Variants in FNIP1 observed in about 807,000 individuals in gnomAD.
The protein encoded by FNIP1 is folliculin-interacting protein 1.
FNIP1 carries 40 observed loss-of-function variants against 124.5 expected under a neutral mutation model. The observed-to-expected ratio is 0.32, with a 90% confidence interval of 0.25 to 0.42. FNIP1 has a LOEUF of 0.42. Ranked by LOEUF, FNIP1 falls within the 10% of genes least tolerant of loss-of-function variation. FNIP1 has a pLI of 1.00. For missense variants in FNIP1, 1,176 were observed against 1,403.7 expected, an observed-to-expected ratio of 0.84 and a Z score of 2.59; for synonymous variants, 472 against 470.6, an observed-to-expected ratio of 1.00 and a Z score of -0.04.
intron 1 of FNIP1, among the ~76,000 whole-genome samples, chr5:131,779,101 C>G (rs1771909671): frequency 7.3e-6 from 1 of 136,828 alleles, no homozygotes; most frequent in Admixed American, 7.4e-5. Flanking sequence ...ACATATGTAA[C>G]TAACCTGCAC....
intron 16 of FNIP1, among the ~76,000 whole-genome samples, chr5:131,649,804 G>A (rs1402686679): frequency 6.6e-6 from 1 of 152,138 alleles, no homozygotes; most frequent in Non-Finnish European, 1.5e-5. Context: ...TCCATTTGGA[G>A]TTCATTTCTG....
At chr5:131,713,892 T>G (rs32113) in intron 6 of FNIP1, among the ~76,000 whole-genome samples, 112,665 of 152,118 alleles carry the variant, frequency 0.74, 42,013 homozygotes, top group Middle Eastern at 0.81. Flanking sequence ...CCTTCTAATA[T>G]GGGCCTTTTC....
At chr5:131,754,879 G>A (rs116175187) in intron 1 of FNIP1, among the ~76,000 whole-genome samples, 1 of 152,226 alleles carries the variant, frequency 6.6e-6, no homozygotes, top group East Asian at 1.9e-4. Context: ...CTAAGGAATA[G>A]CACTGAAAAT....
intron 1 of FNIP1, among the ~76,000 whole-genome samples, chr5:131,759,123 T>C (rs1417624146): frequency 6.6e-6 from 1 of 152,126 alleles, no homozygotes; most frequent in African/African-American, 2.4e-5. Context: ...AAGATTTAAA[T>C]GTAAGATCTC....
At chr5:131,696,443 TA>T (rs954237821) in intron 11 of FNIP1, among the ~76,000 whole-genome samples, 4 of 151,736 alleles carry the variant, frequency 2.6e-5, no homozygotes, top group African/African-American at 7.3e-5. Flanking sequence ...GCCAGTAAAC[TA>T]AAAAAAACCC....
chr5:131,716,548 T>A lies in FNIP1; in HGVS notation c.622+17A>T. The A allele has an allele frequency of 6.5e-7, 1 of 1,534,408 alleles. No homozygotes were observed. Among genetic ancestry groups the A allele is most frequent in the Non-Finnish European group, 8.9e-7 (1 of 1,123,426 alleles). ...GCTAGTATTTTTTAAACTTATAAAA[T>A]CAAAGGAACCATTTACCTATATTTC... On this transcript the variant is annotated intron_variant, in intron 6 of 17. Transcript: ENST00000510461.
At chr5:131,733,001 T>C (rs1200291395) in intron 2 of FNIP1, among the ~76,000 whole-genome samples, 1 of 152,180 alleles carries the variant, frequency 6.6e-6, no homozygotes, top group East Asian at 1.9e-4. Flanking sequence ...CTCTTTTATT[T>C]CGTTGAGCAG....
At chr5:131,738,707 C>T (rs1770403204) in intron 2 of FNIP1, among the ~76,000 whole-genome samples, 1 of 151,568 alleles carries the variant, frequency 6.6e-6, no homozygotes. Flanking sequence ...GGTTTCACCA[C>T]GTTGGCCAGG....
At chr5:131,686,177 C>A (rs1334312302) in intron 11 of FNIP1, among the ~76,000 whole-genome samples, 1 of 152,174 alleles carries the variant, frequency 6.6e-6, no homozygotes, top group African/African-American at 2.4e-5. Flanking sequence ...TATAATCACT[C>A]TGAAGAATCA....
chr5:131,787,917 T>C (rs1772270863), intron 1 of FNIP1, among the ~76,000 whole-genome samples: 1 of 152,008 alleles, frequency 6.6e-6, no homozygotes, highest in South Asian at 2.1e-4. Flanking sequence ...GAGGCTGCAG[T>C]GAGCTAGGAT....
chr5:131,670,689 A>C, intron 14 of FNIP1, 58 bp from the exon 15 acceptor site: 1 of 332,862 alleles, frequency 3.0e-6, no homozygotes, highest in East Asian at 1.2e-4. Flanking sequence ...TTTAACCAGT[A>C]AAAAAAAAAA....
chr5:131,668,234 A>T (rs191878588), intron 15 of FNIP1, among the ~76,000 whole-genome samples: 49 of 152,390 alleles, frequency 3.2e-4, no homozygotes, highest in Admixed American at 4.6e-4. Context: ...CCATAATGGA[A>T]TTAAATTAGA....
rs150724248 is a variant in FNIP1, at chr5:131,788,129, C to G, written c.92+8701G>C. Among the ~76,000 whole-genome samples the G allele has an allele frequency of 4.1e-4, 62 of 152,214 alleles. No individual in the cohort carries two copies. The East Asian group carries it at 0.012, about 29-fold the overall frequency. ...AAAAAGAACTGAAGCTACTAAGAAT[C>G]TGAATCAACAGGACTTAACAAATGA... On this transcript the variant is annotated intron_variant, in intron 1 of 17. Coordinates refer to ENST00000510461, the MANE Select transcript of FNIP1 (RefSeq NM_133372.3).
At chr5:131,675,847 T>C (rs1317470740) in intron 13 of FNIP1, among the ~76,000 whole-genome samples, 1 of 152,140 alleles carries the variant, frequency 6.6e-6, no homozygotes, top group Non-Finnish European at 1.5e-5. Context: ...GAGGCATATA[T>C]GCGAAACTTA....
chr5:131,700,814 T>C (rs1170322196), intron 10 of FNIP1, among the ~76,000 whole-genome samples: 1 of 152,190 alleles, frequency 6.6e-6, no homozygotes, highest in Non-Finnish European at 1.5e-5. Flanking sequence ...TATTATATTC[T>C]ATTCTTAATA....
intron 17 of FNIP1, among the ~76,000 whole-genome samples, chr5:131,646,242 T>C (rs192118015): frequency 1.7e-3 from 261 of 152,300 alleles, no homozygotes; most frequent in Admixed American, 3.5e-3. Flanking sequence ...AAAAAAGATA[T>C]AGAGTCATTC....
At chr5:131,773,018 T>C (rs1008835690) in intron 1 of FNIP1, among the ~76,000 whole-genome samples, 5 of 152,140 alleles carry the variant, frequency 3.3e-5, no homozygotes, top group African/African-American at 1.2e-4. Flanking sequence ...CCCTTAAATG[T>C]GTATCTTGAC....
At chr5:131,737,963 T>A (rs1245889728) in intron 2 of FNIP1, among the ~76,000 whole-genome samples, 1 of 152,222 alleles carries the variant, frequency 6.6e-6, no homozygotes, top group Non-Finnish European at 1.5e-5. Context: ...GGCAGGGTAG[T>A]GGGGATATGG....
intron 3 of FNIP1, among the ~76,000 whole-genome samples, chr5:131,721,524 C>T (rs934690884): frequency 5.9e-5 from 9 of 151,968 alleles, no homozygotes; most frequent in African/African-American, 1.9e-4. Context: ...TTGAGGCTAG[C>T]GCGGTGGATC....
Sources: gnomAD v4.1 joint callset for allele counts (sites outside exome capture counted in the v4.1 genomes callset) on GRCh38, gnomAD v4.1.1 for gene constraint, MANE v1.5 for transcripts, NCBI Gene and HGNC (gene_info 2026-07-23, HGNC 2026-07-21) for gene names.